The following ZNF383 variants were observed in gnomAD, a reference collection of about 807,000 sequenced individuals.
ZNF383 encodes the protein zinc finger protein 383.
A neutral mutation model predicts 44.2 loss-of-function variants in ZNF383; 32 were observed. The observed-to-expected ratio is 0.72, with a 90% CI of 0.55 to 0.97. The LOEUF is 0.97. Among genes scored for constraint, ZNF383 ranks in the 50% least tolerant of loss-of-function variants. The pLI, the probability that ZNF383 is intolerant of heterozygous loss-of-function variation, is 0.00. For synonymous variants in ZNF383, 155 were observed against 186.2 expected (o/e 0.83, Z 1.36); for missense variants, 487 against 562.5 (o/e 0.87, Z 1.36).
chr19:37,224,451 A>G (rs1002944456), intron 1 of ZNF383, among the ~76,000 whole-genome samples: 1 of 152,218 alleles, frequency 6.6e-6, no homozygotes, highest in Non-Finnish European at 1.5e-5. Flanking sequence ...GGTACCTGGG[A>G]CTTGGTTCCA....
chr19:37,222,724 G>A (rs1972984083), intron 1 of ZNF383, among the ~76,000 whole-genome samples: 1 of 152,148 alleles, frequency 6.6e-6, no homozygotes, highest in African/African-American at 2.4e-5. Context: ...ATTGGCATTT[G>A]ATTTCATATT....
At chr19:37,236,952 T>G (rs1973831336) in intron 5 of ZNF383, among the ~76,000 whole-genome samples, 1 of 113,128 alleles carries the variant, frequency 8.8e-6, no homozygotes, top group Non-Finnish European at 1.8e-5. Flanking sequence ...TACACACATG[T>G]GAACACACAC....
chr19:37,229,882 T>TTG (rs2145498092), intron 2 of ZNF383, among the ~76,000 whole-genome samples: 1 of 149,806 alleles, frequency 6.7e-6, no homozygotes, highest in Non-Finnish European at 1.5e-5. Context: ...GATGCGGGTG[T>TTG]TGTGTGTGTG....
At chr19:37,224,319 A>T (rs1020957341) in intron 1 of ZNF383, among the ~76,000 whole-genome samples, 2 of 152,198 alleles carry the variant, frequency 1.3e-5, no homozygotes, top group Admixed American at 1.3e-4. Context: ...AAAATTAATA[A>T]ATCTCTAACA....
chr19:37,227,183 C>A (rs1218774048), intron 2 of ZNF383, among the ~76,000 whole-genome samples: 2 of 142,102 alleles, frequency 1.4e-5, no homozygotes, highest in Non-Finnish European at 3.0e-5. Context: ...GGCGCAATCT[C>A]GGCTCACCGC....
chr19:37,239,432 C>G (rs2145531780), intron 5 of ZNF383, among the ~76,000 whole-genome samples: 1 of 152,250 alleles, frequency 6.6e-6, no homozygotes, highest in South Asian at 2.1e-4. Context: ...TAATGTAGTA[C>G]TAGGCTTGCC....
rs1047872845 is a variant in ZNF383 at position 37,246,614 on chromosome 19, T to A, written c.*2950T>A. 1 of 151,620 alleles carries A rather than the reference T, an allele frequency of 6.6e-6. No individual in the cohort carries two copies. The highest frequency in any genetic ancestry group is 2.4e-5 in the African/African-American group (1 of 41,192). 9.4% of individuals were successfully genotyped at this position (151,620 alleles called of 1,614,324 possible). A position where few individuals can be genotyped will look rare whatever the true frequency, so the allele number is the denominator to read the frequency against. ...GGTGAAACCCCGTCTCTACTAAAAA[T>A]ACAAAAAAAACAAAAACAAAAACAA... On this transcript the variant is annotated 3_prime_UTR_variant, in exon 6 of 6. Coordinates refer to ENST00000684119, the MANE Select transcript of ZNF383 (RefSeq NM_001387601.1).
In ZNF383 at chr19:37,248,198, A is replaced by G. The variant is rs1471400025; in HGVS notation, c.*4534A>G. The G allele has an allele frequency of 1.3e-5, 2 of 152,214 alleles. No homozygotes were observed. The highest frequency in any genetic ancestry group is 4.8e-5 in the African/African-American group (2 of 41,454). 9.4% of individuals were successfully genotyped at this position (152,214 alleles called of 1,614,324 possible). On this transcript the variant is annotated 3_prime_UTR_variant, in exon 6 of 6. Transcript: ENST00000684119. ...ATTTTAAATGTCAAATTGCTACACT[A>G]AAAAAGACACCAAGGTAGAGATTTT...
chr19:37,220,933 A>G (rs1436550982), intron 1 of ZNF383, among the ~76,000 whole-genome samples: 1 of 152,206 alleles, frequency 6.6e-6, no homozygotes, highest in Non-Finnish European at 1.5e-5. Flanking sequence ...TTCTTATAAA[A>G]TACTATATTT....
intron 2 of ZNF383, among the ~76,000 whole-genome samples, chr19:37,226,241 A>C (rs1298023995): frequency 1.3e-5 from 2 of 152,068 alleles, no homozygotes; most frequent in African/African-American, 4.8e-5. Flanking sequence ...ATTGAGCAGA[A>C]GGTACAGAGA....
In ZNF383 at chr19:37,246,170, A is replaced by G. The variant is rs931886311; in HGVS notation, c.*2506A>G. On this transcript the variant is annotated 3_prime_UTR_variant, in exon 6 of 6. Transcript: ENST00000684119. The stretch of plus-strand genomic sequence containing the variant: ...TGTATTGGATTGCTGTGAAGAGTCA[A>G]TGAATTAATAAATGCAAAGTACCTC... 6 of 152,220 alleles carry G rather than the reference A, an allele frequency of 3.9e-5. No homozygotes were observed. The highest frequency in any genetic ancestry group is 5.9e-5 in the Non-Finnish European group (4 of 68,046). The allele number at this position is 152,220 out of a possible 1,614,324, so 9.4% of individuals were successfully genotyped here.
intron 5 of ZNF383, among the ~76,000 whole-genome samples, chr19:37,237,467 T>C (rs1973875133): frequency 1.3e-5 from 2 of 152,114 alleles, no homozygotes; most frequent in South Asian, 4.1e-4. Context: ...AGAGTACTTA[T>C]TGAGCACTAC....
chr19:37,235,273 C>CA (rs929742693), intron 3 of ZNF383, among the ~76,000 whole-genome samples: 5,519 of 96,404 alleles, frequency 0.057, 136 homozygotes, highest in Admixed American at 0.096. Context: ...ATTTCTGTCT[C>CA]AAAAAAAAAA....
At chr19:37,240,153 G>A (rs760192105) in intron 5 of ZNF383, among the ~76,000 whole-genome samples, 2 of 80,424 alleles carry the variant, frequency 2.5e-5, no homozygotes, top group Non-Finnish European at 4.4e-5. Context: ...GTGACACTGC[G>A]TTTCAAAAAA....
At position 37,236,025 on chromosome 19, in the gene ZNF383, G is replaced by A; in HGVS notation, c.183G>A (p.Gly61=). The part of the protein sequence containing the change: ...KPQVISLLEQ[G]KEPWMVGREL... Reference sequence around the variant, plus strand: ...AAGTGATCTCCTTATTGGAACAAGGGAAAGAGCCCTGGATGGTTGGCAGAG... The same window carrying A: ...AAGTGATCTCCTTATTGGAACAAGGAAAAGAGCCCTGGATGGTTGGCAGAG... The change falls in exon 5 of 6, where the codon GGG becomes GGA. Residue 61 remains glycine, a synonymous_variant. Coordinates refer to ENST00000684119, the MANE Select transcript of ZNF383 (RefSeq NM_001387601.1). 6.2e-7 allele frequency: 1 copy of A among 1,613,756 alleles called. No individual in the cohort carries two copies. Among genetic ancestry groups the A allele is most frequent in the South Asian group, 1.1e-5 (1 of 91,052 alleles).
At chr19:37,222,946 A>G (rs1324718914) in intron 1 of ZNF383, among the ~76,000 whole-genome samples, 1 of 152,192 alleles carries the variant, frequency 6.6e-6, no homozygotes, top group Non-Finnish European at 1.5e-5. Flanking sequence ...ACAAGAATAG[A>G]TTTTACAACA....
Position 37,235,569 on chromosome 19 carries a change from T to G in ZNF383, c.30T>G (p.Asp10Glu), listed in dbSNP as rs1381572189. 1 of 1,614,158 alleles carries G rather than the reference T, an allele frequency of 6.2e-7. No individual in the cohort carries two copies. Among genetic ancestry groups the G allele is most frequent in the East Asian group, 2.2e-5 (1 of 44,870 alleles). The change falls in exon 4 of 6, where the codon GAT (aspartate) becomes GAG (glutamate). Residue 10 changes from aspartate to glutamate, a missense_variant. Transcript: ENST00000684119. ...TTCAGGGATCAGTGATGTTCAGTGATGTGTCCATAGACTTCTCTCAGGAGG... is the reference window on the plus strand; with the variant it reads ...TTCAGGGATCAGTGATGTTCAGTGAGGTGTCCATAGACTTCTCTCAGGAGG... MAEGSVMFS[D>E]VSIDFSQEEW...
intron 1 of ZNF383, among the ~76,000 whole-genome samples, chr19:37,224,024 G>C (rs1341332769): frequency 6.6e-6 from 1 of 151,414 alleles, no homozygotes; most frequent in Non-Finnish European, 1.5e-5. Flanking sequence ...GCAGAGTGAG[G>C]CTCCATCTCA....
In ZNF383 at chr19:37,244,514, A is replaced by G. The variant is rs1194358338; in HGVS notation, c.*850A>G. The G allele has an allele frequency of 6.6e-6, 1 of 152,108 alleles. No individual in the cohort carries two copies. The highest frequency in any genetic ancestry group is 1.5e-5 in the Non-Finnish European group (1 of 68,090). The allele number at this position is 152,108 out of a possible 1,614,324, so 9.4% of individuals were successfully genotyped here. ...TGCCTCAGCCTTTTGAGTAGTTGGG[A>G]TTACAGGCATGTGCCACAACACCCG... is the stretch of plus-strand genomic sequence containing the variant. On this transcript the variant is annotated 3_prime_UTR_variant, in exon 6 of 6. Transcript: ENST00000684119.
Sources: gnomAD v4.1 joint callset for allele counts (sites outside exome capture counted in the v4.1 genomes callset) on GRCh38, gnomAD v4.1.1 for gene constraint, MANE v1.5 for transcripts, NCBI Gene and HGNC (gene_info 2026-07-23, HGNC 2026-07-21) for gene names.